Variants in SEC16A observed in about 807,000 individuals in gnomAD.
SEC16A encodes the protein protein transport protein Sec16A.
A neutral mutation model predicts 221.9 loss-of-function variants in SEC16A; 110 were observed. The ratio of observed to expected loss-of-function variants is 0.50; its 90% CI spans 0.42 to 0.58. SEC16A has a LOEUF of 0.58. Ranked by LOEUF, SEC16A falls within the 20% of genes least tolerant of loss-of-function variation. The pLI is 0.00. For synonymous variants in SEC16A, 1,393 were observed against 1,257.7 expected, an observed-to-expected ratio of 1.11 and a Z score of -2.28; for missense variants, 3,165 against 3,097.8, an observed-to-expected ratio of 1.02 and a Z score of -0.52.
intron 4 of SEC16A, among the ~76,000 whole-genome samples, chr9:136,469,906 G>A (rs567351605): frequency 2.0e-5 from 3 of 152,296 alleles, no homozygotes; most frequent in African/African-American, 7.2e-5. Flanking sequence ...CCTGCTGACC[G>A]ACAGCCTGAG....
In SEC16A at chr9:136,477,024, G is replaced by C. The variant is rs748137309; in HGVS notation, c.592C>G (p.Pro198Ala). Residue 198 changes from proline (P) to alanine (A), a missense_variant, in exon 3 of 32, where the codon CCA (proline) becomes GCA (alanine). Transcript: ENST00000684901. ...RQNPHDGVVT[P>A]AASPSLPQPG... Reference sequence around the variant, plus strand: ...TGAGGGAGGGAAGGGGATGCTGCTGGGGTGACCACACCGTCATGTGGGTTT... The same window carrying C: ...TGAGGGAGGGAAGGGGATGCTGCTGCGGTGACCACACCGTCATGTGGGTTT... The C allele has an allele frequency of 1.2e-6, 2 of 1,613,630 alleles. No homozygotes were observed. The highest frequency in any genetic ancestry group is 4.5e-5 in the East Asian group (2 of 44,874).
rs1841650337 is a variant in SEC16A at position 136,476,482 on chromosome 9, C to T, written c.1134G>A (p.Gly378=). The T allele has an allele frequency of 1.9e-6, 3 of 1,613,188 alleles. No individual in the cohort carries two copies. The highest frequency in any genetic ancestry group is 1.3e-5 in the African/African-American group (1 of 75,062). Residue 378 remains glycine, a synonymous_variant, in exon 3 of 32, where the codon GGG becomes GGA. Transcript: ENST00000684901. ...ASGALAMFFQ[G]GETENEENLS... ...GATTCTCCTCATTTTCTGTCTCTCC[C>T]CCTTGGAAAAACATCGCCAGAGCTC...
Position 136,476,628 on chromosome 9 carries a change from C to T in SEC16A, c.988G>A (p.Ala330Thr), listed in dbSNP as rs750816502. The change falls in exon 3 of 32, where the codon GCC becomes ACC. Residue 330 changes from alanine (A) to threonine (T), a missense_variant. Ala to Thr is a moderately conservative substitution (Grantham distance 58). Coordinates refer to ENST00000684901, the MANE Select transcript of SEC16A (RefSeq NM_014866.2). ...GCGAGGGGGTTCACAAGAGCAGAGG[C>T]GGGCCGGTGCTCATTCTTCACTCCT... is the stretch of plus-strand genomic sequence containing the variant. ...NPGVKNEHRP[A>T]SALVNPLARG... 85 of 1,581,542 alleles carry T rather than the reference C, an allele frequency of 5.4e-5. No homozygotes were observed. The highest frequency in any genetic ancestry group is 1.5e-4 in the African/African-American group (11 of 74,128).
chr9:136,444,116 T>C (rs553709398), intron 30 of SEC16A: 23 of 448,294 alleles, frequency 5.1e-5, no homozygotes, highest in African/African-American at 3.5e-4. Flanking sequence ...GCCAATGTTT[T>C]AAGCACCGGA....
chr9:136,448,631 G>A (rs1837359857), intron 23 of SEC16A: 1 of 714,012 alleles, frequency 1.4e-6, no homozygotes, highest in Non-Finnish European at 2.6e-6. Context: ...CAGGAGGATG[G>A]AGGTGGGGAG....
At chr9:136,483,445 CG>C, upstream of SEC16A, 152 of 722,714 alleles carry the variant, frequency 2.1e-4, no homozygotes, top group East Asian at 5.5e-4. Context: ...CCTTTGGCCC[CG>C]CCCCTCGGCC....
At chr9:136,482,585 T>C (rs1300077081) in intron 1 of SEC16A, among the ~76,000 whole-genome samples, 1 of 152,254 alleles carries the variant, frequency 6.6e-6, no homozygotes, top group Non-Finnish European at 1.5e-5. Context: ...GGAAGCCTTC[T>C]AGCCGGTGAG....
chr9:136,448,799 A>G, intron 23 of SEC16A: 1 of 707,132 alleles, frequency 1.4e-6, no homozygotes, highest in Admixed American at 2.0e-5. Flanking sequence ...GAGCAGATCC[A>G]CAGAGACACC....
chr9:136,461,124 C>G lies in SEC16A; in HGVS notation c.4991+53G>C, dbSNP rs532531243. ...GCCCCCAGGGTGCGGACGCCGCGTG[C>G]TACAGGGAGCCAGCAGGGCTCGCCA... On this transcript the variant is annotated intron_variant, in intron 13 of 31. Coordinates refer to ENST00000684901, the MANE Select transcript of SEC16A (RefSeq NM_014866.2). 22 of 1,436,122 alleles carry G rather than the reference C, an allele frequency of 1.5e-5. 1 individual carries two copies. In the African/African-American group the frequency reaches 3.0e-4, roughly 19 times the overall value. The allele number at this position is 1,436,122 out of a possible 1,614,324, so 89.0% of individuals were successfully genotyped here. A position where few individuals can be genotyped will look rare whatever the true frequency, so the allele number is the denominator to read the frequency against.
At chr9:136,470,293 CCT>C (rs1706550245) in intron 4 of SEC16A, among the ~76,000 whole-genome samples, 1 of 152,250 alleles carries the variant, frequency 6.6e-6, no homozygotes, top group South Asian at 2.1e-4. Flanking sequence ...CCTGACCCTG[CCT>C]CTGGTGAAAG....
rs1198110667 is a variant in SEC16A at position 136,466,128 on chromosome 9, A to C, written c.4137T>G (p.Ile1379Met). Residue 1379 changes from isoleucine to methionine, a missense_variant, in exon 8 of 32, where the codon ATT becomes ATG. Transcript: ENST00000684901. This position sits in a 1 kb window ranked among gnomAD's most constrained non-coding sequence, Gnocchi z 5.5. ...CGGCAGCCACATTGTGGCTTCTGTAAATCTGACTCTTAGAAAACAAAGCAA... is the reference window on the plus strand; with the variant it reads ...CGGCAGCCACATTGTGGCTTCTGTACATCTGACTCTTAGAAAACAAAGCAA... ...SLSSHSHQSQ[I>M]YRSHNVAAGS... The C allele has an allele frequency of 6.3e-7, 1 of 1,593,918 alleles. No individual in the cohort carries two copies. Among genetic ancestry groups the C allele is most frequent in the East Asian group, 2.2e-5 (1 of 44,572 alleles).
Position 136,456,108 on chromosome 9 carries a change from G to A in SEC16A, c.5609C>T (p.Ser1870Phe), listed in dbSNP as rs369788591. The change falls in exon 19 of 32, where the codon TCC (serine) becomes TTC (phenylalanine). Residue 1870 changes from serine to phenylalanine, a missense_variant. Physicochemically the swap from Ser to Phe is radical, Grantham distance 155. This residue lies in a region of SEC16A where 1,088 missense variants were observed against 1,089.6 expected (regional missense o/e 1.00). Transcript: ENST00000684901. ...AACCAGCCACGTGGGTGCGGCCAAG[G>A]ACTCCTCTTCTGGCTTCTCTTTCAG... is the stretch of plus-strand genomic sequence containing the variant. ...PQLKEKPEEE[S>F]LAAPTWLVHL... is the part of the protein sequence containing the mutation. 13 of 1,612,772 alleles carry A rather than the reference G, an allele frequency of 8.1e-6. No homozygotes were observed. The highest frequency in any genetic ancestry group is 1.9e-4 in the Middle Eastern group (1 of 5,216).
At position 136,476,112 on chromosome 9, in the gene SEC16A, C is replaced by G. The variant is rs368845427; in HGVS notation, c.1504G>C (p.Ala502Pro). The change falls in exon 3 of 32, where the codon GCT becomes CCT. Residue 502 changes from alanine to proline, a missense_variant. This residue lies in a region of SEC16A where 2,030 missense variants were observed against 1,923.1 expected (regional missense o/e 1.06). Coordinates refer to ENST00000684901, the MANE Select transcript of SEC16A (RefSeq NM_014866.2). Reference protein sequence around the residue: ...LPGPAVPRHGAVCHTGAPDAT... With the variant: ...LPGPAVPRHGPVCHTGAPDAT... ...TCAGGGGCTCCGGTGTGGCACACAG[C>G]ACCATGCCTGGGCACAGCTGGCCCA... The G allele has an allele frequency of 6.8e-6, 11 of 1,613,616 alleles. No homozygotes were observed. In the African/African-American group the frequency reaches 1.3e-4, roughly 20 times the overall value.
At chr9:136,479,752 AC>A (rs1355687061) in intron 1 of SEC16A, among the ~76,000 whole-genome samples, 32 of 152,096 alleles carry the variant, frequency 2.1e-4, no homozygotes, top group Admixed American at 2.1e-3. Context: ...AGTGGCTCAC[AC>A]CTGTAAGCCG....
chr9:136,483,485 C>CGCCGGCG (rs1842678326), upstream of SEC16A: 2 of 977,620 alleles, frequency 2.0e-6, no homozygotes, highest in Non-Finnish European at 2.4e-6. Flanking sequence ...CCCCGCCCCC[C>CGCCGGCG]TCCGGCGTCC....
At chr9:136,457,693 G>C in intron 17 of SEC16A, 109 bp from the exon 18 acceptor site, 1 of 1,362,830 alleles carries the variant, frequency 7.3e-7, no homozygotes, top group Non-Finnish European at 1.0e-6. Context: ...GCATCGCCCT[G>C]TGAGCTGTGA....
chr9:136,454,570 C>T (rs1032965147), intron 20 of SEC16A, among the ~76,000 whole-genome samples: 5 of 152,238 alleles, frequency 3.3e-5, no homozygotes, highest in South Asian at 4.1e-4. Context: ...CACAGCGGCA[C>T]GCGGGCTCCA....
rs1200672277 is a variant in SEC16A, at chr9:136,476,624, G to C, written c.992C>G (p.Ser331Cys). ...PGVKNEHRPA[S>C]ALVNPLARGD... ...CCGGGCGAGGGGGTTCACAAGAGCA[G>C]AGGCGGGCCGGTGCTCATTCTTCAC... The change falls in exon 3 of 32, where the codon TCT becomes TGT. Residue 331 changes from serine to cysteine, a missense_variant. Transcript: ENST00000684901. 2 of 1,586,106 alleles carry C rather than the reference G, an allele frequency of 1.3e-6. No individual in the cohort carries two copies. The highest frequency in any genetic ancestry group is 1.7e-6 in the Non-Finnish European group (2 of 1,164,088).
upstream of SEC16A, chr9:136,483,583 CT>C (rs1370892056): frequency 1.3e-5 from 13 of 985,314 alleles, no homozygotes; most frequent in African/African-American, 1.9e-4. Context: ...CCTGTTTACG[CT>C]GGCTCTTTCT....
Sources: gnomAD v4.1 joint callset for allele counts (sites outside exome capture counted in the v4.1 genomes callset) on GRCh38, gnomAD v4.1.1 for gene constraint, gnomAD v4.1.1 regional missense constraint, Gnocchi (gnomAD v3.1) non-coding constraint, MANE v1.5 for transcripts, NCBI Gene and HGNC (gene_info 2026-07-23, HGNC 2026-07-21) for gene names.